Variants in CRISPLD2 observed in about 807,000 individuals in gnomAD.
The protein encoded by CRISPLD2 is cysteine rich secretory protein LCCL domain containing 2, also known as cysteine-rich secretory protein LCCL domain-containing 2.
CRISPLD2 carries 47 observed loss-of-function variants against 71.1 expected under a neutral mutation model. The ratio of observed to expected loss-of-function variants is 0.66; its 90% CI spans 0.52 to 0.84. The LOEUF is 0.84. Among genes scored for constraint, CRISPLD2 ranks in the 40% least tolerant of loss-of-function variants. CRISPLD2 has a pLI of 0.00. For missense variants in CRISPLD2, 830 were observed against 651.1 expected (o/e 1.27, Z -2.99); for synonymous variants, 317 against 250.1 (o/e 1.27, Z -2.52).
intron 6 of CRISPLD2, among the ~76,000 whole-genome samples, chr16:84,862,136 A>G (rs2143253966): frequency 6.6e-6 from 1 of 152,098 alleles, no homozygotes; most frequent in South Asian, 2.1e-4. Flanking sequence ...TGACTGTGCT[A>G]GAGGTTTCTC....
intron 14 of CRISPLD2, among the ~76,000 whole-genome samples, chr16:84,902,719 T>C (rs2071766111): frequency 6.6e-6 from 1 of 151,740 alleles, no homozygotes; most frequent in Admixed American, 6.6e-5. Flanking sequence ...CTGGGGGCCC[T>C]TTTGATTGGT....
intron 14 of CRISPLD2, among the ~76,000 whole-genome samples, chr16:84,901,312 A>G (rs1313203403): frequency 6.6e-6 from 1 of 152,126 alleles, no homozygotes; most frequent in African/African-American, 2.4e-5. Context: ...TAAGATCTAA[A>G]CATCTCTCCT....
chr16:84,898,428 C>T (rs112708644), intron 14 of CRISPLD2, among the ~76,000 whole-genome samples: 4 of 152,254 alleles, frequency 2.6e-5, no homozygotes, highest in Middle Eastern at 3.4e-3. Flanking sequence ...CTCTCTGCTC[C>T]TTGACTGCAC....
intron 1 of CRISPLD2, among the ~76,000 whole-genome samples, chr16:84,822,956 C>G (rs1251506362): frequency 6.6e-6 from 1 of 152,198 alleles, no homozygotes; most frequent in Non-Finnish European, 1.5e-5. Context: ...TGTGCAGCCA[C>G]CACCACTAAT....
chr16:84,891,856 C>T (rs1185426973), intron 14 of CRISPLD2, among the ~76,000 whole-genome samples: 1 of 152,200 alleles, frequency 6.6e-6, no homozygotes, highest in East Asian at 1.9e-4. Context: ...GTCTTTCTCT[C>T]TTCCTGTGAC....
chr16:84,828,722 C>G (rs1003636473), intron 1 of CRISPLD2, among the ~76,000 whole-genome samples: 1 of 152,032 alleles, frequency 6.6e-6, no homozygotes, highest in African/African-American at 2.4e-5. Context: ...TGGCTTGCAT[C>G]GAATGCACCT....
chr16:84,852,353 T>C (rs112527515), intron 5 of CRISPLD2, among the ~76,000 whole-genome samples: 482 of 32,876 alleles, frequency 0.015, 1 homozygote, highest in Middle Eastern at 0.05. Flanking sequence ...AGAGGCTCTC[T>C]CGTGCCCTAC....
chr16:84,872,705 G>A (rs2071481899), intron 9 of CRISPLD2, among the ~76,000 whole-genome samples, 197 bp downstream of exon 9: 1 of 152,202 alleles, frequency 6.6e-6, no homozygotes. Flanking sequence ...TCCTCCTGAA[G>A]GCCAGTCTCC....
chr16:84,883,830 G>T (rs1466614679), intron 13 of CRISPLD2, among the ~76,000 whole-genome samples: 1 of 151,534 alleles, frequency 6.6e-6, no homozygotes, highest in Non-Finnish European at 1.5e-5. Flanking sequence ...GTTAAGCCTG[G>T]GGTCTTATTT....
chr16:84,864,575 T>C (rs989915054), intron 6 of CRISPLD2, among the ~76,000 whole-genome samples: 2 of 152,216 alleles, frequency 1.3e-5, no homozygotes, highest in African/African-American at 4.8e-5. Flanking sequence ...ACCCATAGCT[T>C]TTGCTACCAG....
rs34028519 is a variant in CRISPLD2, at chr16:84,875,414, C to CTTTTTTTTTTTTTTTTTTTTTT, written c.1156+1453_1156+1474dup. 1.9e-4 allele frequency among the ~76,000 whole-genome samples: 17 copies of CTTTTTTTTTTTTTTTTTTTTTT among 87,784 alleles called. 1 individual carries two copies. The highest frequency in any genetic ancestry group is 8.3e-4 in the African/African-American group (15 of 18,014). The allele number at this position is 87,784 out of a possible 152,430, so 57.6% of individuals were successfully genotyped here. On this transcript the variant is annotated intron_variant, in intron 11 of 14. Transcript: ENST00000262424. ...GAGAAACATGAGATTTATGCATGGACTTTTTTTTTTTTTTTTTTTTTTTGT... is the reference window on the plus strand; with the variant it reads ...GAGAAACATGAGATTTATGCATGGACTTTTTTTTTTTTTTTTTTTTTTTTTTTTTTTTTTTTTTTTTTTTTGT...
intron 1 of CRISPLD2, among the ~76,000 whole-genome samples, chr16:84,825,617 G>A (rs138817642): frequency 0.068 from 10,275 of 152,108 alleles, 409 homozygotes; most frequent in East Asian, 0.12. Flanking sequence ...TTAGCTAGGC[G>A]TGGTGGTGCA....
intron 3 of CRISPLD2, among the ~76,000 whole-genome samples, chr16:84,848,960 T>C (rs1916993691): frequency 1.7e-5 from 1 of 59,524 alleles, no homozygotes. Flanking sequence ...CACTCCAGCC[T>C]GGGCGACAGA....
chr16:84,872,611 C>G (rs2071481174), intron 9 of CRISPLD2, 103 bp downstream of exon 9: 2 of 1,012,478 alleles, frequency 2.0e-6, no homozygotes, highest in Non-Finnish European at 1.5e-6. Flanking sequence ...CTTTCCACTC[C>G]TTAGTCAAAC....
intron 7 of CRISPLD2, among the ~76,000 whole-genome samples, chr16:84,867,806 T>C (rs1000621093): frequency 1.3e-5 from 2 of 152,180 alleles, no homozygotes; most frequent in African/African-American, 4.8e-5. Flanking sequence ...ATATTGACTC[T>C]TCCCCTGCTC....
chr16:84,890,862 G>T (rs1423315837), intron 14 of CRISPLD2, among the ~76,000 whole-genome samples: 1 of 152,182 alleles, frequency 6.6e-6, no homozygotes. Context: ...CCTTTCCTGA[G>T]TGTCATTCAG....
chr16:84,891,302 C>T (rs1033501827), intron 14 of CRISPLD2, among the ~76,000 whole-genome samples: 7 of 152,336 alleles, frequency 4.6e-5, no homozygotes, highest in African/African-American at 1.7e-4. Context: ...GCCCCTGCTT[C>T]CACTGCCAGC....
chr16:84,873,173 G>T, intron 10 of CRISPLD2, 51 bp downstream of exon 10: 3 of 1,571,602 alleles, frequency 1.9e-6, no homozygotes, highest in Admixed American at 1.8e-5. Context: ...TGTTTATGAC[G>T]GTGTTGTTGA....
chr16:84,848,667 C>G (rs528903159), intron 3 of CRISPLD2, among the ~76,000 whole-genome samples: 6 of 152,272 alleles, frequency 3.9e-5, no homozygotes, highest in East Asian at 3.9e-4. Flanking sequence ...TCTCCAACTC[C>G]TGACCTCAGG....
Sources: gnomAD v4.1 joint callset for allele counts (sites outside exome capture counted in the v4.1 genomes callset) on GRCh38, gnomAD v4.1.1 for gene constraint, MANE v1.5 for transcripts, NCBI Gene and HGNC (gene_info 2026-07-23, HGNC 2026-07-21) for gene names.